Variants in ME1 observed in about 807,000 individuals in gnomAD.
ME1 encodes the protein malic enzyme 1.
Under a neutral mutation model 66.4 loss-of-function variants are expected in ME1, and 74 were observed. The ratio of observed to expected loss-of-function variants is 1.11; its 90% confidence interval spans 0.92 to 1.35. The LOEUF (loss-of-function observed/expected upper bound fraction) is 1.35. Among genes scored for constraint, ME1 ranks in the 40% most tolerant of loss-of-function variants. The probability of loss-of-function intolerance (pLI) is 0.00; values close to 1 mark genes in which losing one functional copy is unlikely to be tolerated. For missense variants in ME1, 750 were observed against 694.1 expected (o/e 1.08, Z -0.90); for synonymous variants, 251 against 235.6 (o/e 1.07, Z -0.60).
intron 6 of ME1, among the ~76,000 whole-genome samples, chr6:83,275,960 C>T (rs897410511): frequency 7.9e-5 from 12 of 151,176 alleles, no homozygotes; most frequent in African/African-American, 1.2e-4. Context: ...TTAGTAGAGA[C>T]GGGGTTTCAC....
intron 6 of ME1, among the ~76,000 whole-genome samples, chr6:83,280,607 C>A (rs1767269307): frequency 6.6e-6 from 1 of 152,194 alleles, no homozygotes; most frequent in Non-Finnish European, 1.5e-5. Context: ...ACTTATATTT[C>A]ACATTTTGTC....
At chr6:83,281,959 C>A (rs1767304169) in intron 6 of ME1, among the ~76,000 whole-genome samples, 1 of 138,020 alleles carries the variant, frequency 7.2e-6, no homozygotes, top group Admixed American at 7.1e-5. Context: ...AGAGATAATA[C>A]AACTTAAAAA....
rs141065742 is a variant in ME1, at chr6:83,420,729, A to G, written c.78+10148T>C. On this transcript the variant is annotated intron_variant, in intron 1 of 13. Transcript: ENST00000369705. ...GGTAAAACAGTGTTACTTCAAGAATAATCCCTGATTCATTCATTCAACAAA... is the reference window on the plus strand; with the variant it reads ...GGTAAAACAGTGTTACTTCAAGAATGATCCCTGATTCATTCATTCAACAAA... 1.8e-3 allele frequency among the ~76,000 whole-genome samples: 278 copies of G among 152,302 alleles called. 2 individuals are homozygous for G. Among genetic ancestry groups the G allele is most frequent in the African/African-American group, 6.3e-3 (263 of 41,564 alleles).
At chr6:83,225,072 G>C (rs1207524693) in intron 11 of ME1, among the ~76,000 whole-genome samples, 1 of 151,568 alleles carries the variant, frequency 6.6e-6, no homozygotes, top group Non-Finnish European at 1.5e-5. Flanking sequence ...TGTGGTGGTG[G>C]GCACCTGTAA....
At chr6:83,240,115 G>T (rs1018686208) in intron 7 of ME1, among the ~76,000 whole-genome samples, 7 of 151,878 alleles carry the variant, frequency 4.6e-5, no homozygotes, top group African/African-American at 1.7e-4. Flanking sequence ...CACAAAGAAG[G>T]CTTCACACAA....
At chr6:83,269,044 T>C (rs566813623) in intron 6 of ME1, among the ~76,000 whole-genome samples, 13 of 152,230 alleles carry the variant, frequency 8.5e-5, no homozygotes, top group East Asian at 1.9e-4. Flanking sequence ...TAAACCATGA[T>C]TGAGTAAGCA....
intron 2 of ME1, among the ~76,000 whole-genome samples, chr6:83,405,722 G>GTTT (rs1245020714): frequency 1.4e-3 from 172 of 126,222 alleles, no homozygotes; most frequent in African/African-American, 4.1e-3. Flanking sequence ...TGTTGTTGTT[G>GTTT]TTTTTTTTTT....
At chr6:83,289,980 C>A (rs982331460) in intron 6 of ME1, among the ~76,000 whole-genome samples, 2 of 152,052 alleles carry the variant, frequency 1.3e-5, no homozygotes, top group African/African-American at 4.8e-5. Context: ...GTGGTGATAT[C>A]CCCTTTATCA....
intron 7 of ME1, among the ~76,000 whole-genome samples, chr6:83,242,250 G>A (rs183599200): frequency 6.6e-5 from 10 of 152,196 alleles, no homozygotes; most frequent in Non-Finnish European, 1.0e-4. Flanking sequence ...AGAAACTTAC[G>A]ACTTTAACAT....
At chr6:83,389,649 G>A (rs1035434355) in intron 3 of ME1, among the ~76,000 whole-genome samples, 1 of 152,020 alleles carries the variant, frequency 6.6e-6, no homozygotes, top group African/African-American at 2.4e-5. Flanking sequence ...TTCCAAAGAA[G>A]TTATATGAAT....
At position 83,216,579 on chromosome 6, in the gene ME1, C is replaced by T. The variant is rs1789999060; in HGVS notation, c.1467G>A (p.Val489=). The T allele has an allele frequency of 6.2e-7, 1 of 1,608,980 alleles. No individual in the cohort carries two copies. The highest frequency in any genetic ancestry group is 1.1e-5 in the South Asian group (1 of 90,258). ...LTTAEVIAQQ[V]SDKHLEEGRL... is the part of the protein sequence containing the mutation. ...GACCCTCTTCCAAGTGTTTATCTGACACTTGCTGAGCTATAACCTTATGAA... is the reference window on the plus strand; with the variant it reads ...GACCCTCTTCCAAGTGTTTATCTGATACTTGCTGAGCTATAACCTTATGAA... The change falls in exon 13 of 14, where the codon GTG becomes GTA. Residue 489 remains valine (V), a synonymous_variant. Coordinates refer to ENST00000369705, the MANE Select transcript of ME1 (RefSeq NM_002395.6).
chr6:83,272,517 G>A (rs139643751), intron 6 of ME1, among the ~76,000 whole-genome samples: 11 of 152,194 alleles, frequency 7.2e-5, no homozygotes, highest in African/African-American at 2.6e-4. Flanking sequence ...TGAAACAAAG[G>A]ATATCCAGGT....
chr6:83,373,299 G>A (rs183865892), intron 3 of ME1, among the ~76,000 whole-genome samples: 37 of 151,808 alleles, frequency 2.4e-4, no homozygotes, highest in Admixed American at 2.6e-4. Flanking sequence ...GCAGTGGTGC[G>A]ATCTCAGCTC....
At position 83,346,244 on chromosome 6, in the gene ME1, A is replaced by G; in HGVS notation, c.529T>C (p.Tyr177His). Residue 177 changes from tyrosine to histidine, a missense_variant, in exon 5 of 14, where the codon TAT becomes CAT. By Grantham distance (83) the Tyr-to-His change is moderately conservative. Transcript: ENST00000369705. ...MGIPVGKLAL[Y>H]TACGGMNPQE... The stretch of plus-strand genomic sequence containing the variant: ...GGATTCATCCCTCCGCAAGCTGTAT[A>G]TAGAGCCAATTTACCCACAGGGATG... 1 of 1,613,778 alleles carries G rather than the reference A, an allele frequency of 6.2e-7. No individual in the cohort carries two copies.
rs1159007987 is a variant in ME1, at chr6:83,272,226, C to T, written c.705-18488G>A. ...TGACTATGAAATATCCTTAACAGGGCTACCAAATAAACAAATCTATAAAAA... is the reference window on the plus strand; with the variant it reads ...TGACTATGAAATATCCTTAACAGGGTTACCAAATAAACAAATCTATAAAAA... On this transcript the variant is annotated intron_variant, in intron 6 of 13. Coordinates refer to ENST00000369705, the MANE Select transcript of ME1 (RefSeq NM_002395.6). Among the ~76,000 whole-genome samples, 6 of 152,014 alleles carry T rather than the reference C, an allele frequency of 3.9e-5. No homozygotes were observed. The East Asian group carries it at 1.2e-3, about 29-fold the overall frequency.
At chr6:83,362,860 T>A (rs138527149) in intron 3 of ME1, among the ~76,000 whole-genome samples, 201 of 152,310 alleles carry the variant, frequency 1.3e-3, no homozygotes, top group African/African-American at 4.6e-3. Context: ...AGGCACTCAC[T>A]TTATGGCCAA....
chr6:83,430,859 G>T lies in ME1; in HGVS notation c.78+18C>A, dbSNP rs1197445815. 1.3e-6 allele frequency: 2 copies of T among 1,590,420 alleles called. No individual in the cohort carries two copies. Among genetic ancestry groups the T allele is most frequent in the Non-Finnish European group, 8.6e-7 (1 of 1,167,618 alleles). On this transcript the variant is annotated intron_variant, in intron 1 of 13. Transcript: ENST00000369705. ...TAGAGAGGGGCCGATGGGCGGCCAGGTGGGCCTGCGGGTTTACCTTGTTGA... is the reference window on the plus strand; with the variant it reads ...TAGAGAGGGGCCGATGGGCGGCCAGTTGGGCCTGCGGGTTTACCTTGTTGA...
In ME1 at chr6:83,331,657, G is replaced by A. The variant is rs138523738; in HGVS notation, c.600+14516C>T. On this transcript the variant is annotated intron_variant, in intron 5 of 13. Transcript: ENST00000369705. Reference sequence around the variant, plus strand: ...GAAGAAAAACTGTATGAAGACACCAGAGGAAGACGGGCATCTACAAGTCAA... The same window carrying A: ...GAAGAAAAACTGTATGAAGACACCAAAGGAAGACGGGCATCTACAAGTCAA... Among the ~76,000 whole-genome samples the A allele has an allele frequency of 7.5e-3, 1,138 of 150,916 alleles. 12 individuals are homozygous for A. The highest frequency in any genetic ancestry group is 0.026 in the African/African-American group (1,062 of 41,118).
At chr6:83,225,582 C>T (rs531904580) in intron 11 of ME1, among the ~76,000 whole-genome samples, 1 of 151,864 alleles carries the variant, frequency 6.6e-6, no homozygotes, top group African/African-American at 2.4e-5. Context: ...CTTTGAGAGA[C>T]AAAAAGATGA....
Sources: gnomAD v4.1 joint callset for allele counts (sites outside exome capture counted in the v4.1 genomes callset) on GRCh38, gnomAD v4.1.1 for gene constraint, MANE v1.5 for transcripts, NCBI Gene and HGNC (gene_info 2026-07-23, HGNC 2026-07-21) for gene names.